The following PCDHA2 variants were observed in gnomAD, a reference collection of about 807,000 sequenced individuals.
The protein encoded by PCDHA2 is protocadherin alpha 2.
In PCDHA2, 58 loss-of-function variants were observed where a neutral mutation model predicts 66.0. The observed-to-expected ratio is 0.88, with a 90% CI of 0.71 to 1.09. The LOEUF is 1.09. Among genes scored for constraint, PCDHA2 ranks in the 50% least tolerant of loss-of-function variants. PCDHA2 has a pLI of 0.00. For synonymous variants in PCDHA2, 634 were observed against 554.0 expected (o/e 1.14, Z -2.03); for missense variants, 1,267 against 1,242.3 (o/e 1.02, Z -0.30).
chr5:140,853,285 A>G (rs2042696768), intron 1 of PCDHA2: 2 of 981,668 alleles, frequency 2.0e-6, no homozygotes, highest in Non-Finnish European at 2.5e-6. Flanking sequence ...TCATATGCAA[A>G]TTCTCAGAAG....
intron 1 of PCDHA2, chr5:140,968,944 G>C (rs782732835): frequency 1.2e-6 from 2 of 1,614,152 alleles, no homozygotes; most frequent in Non-Finnish European, 8.5e-7. Context: ...TCATCATTTT[G>C]AGCATCATCA....
At chr5:140,926,873 C>T in intron 1 of PCDHA2, 1 of 1,525,502 alleles carries the variant, frequency 6.6e-7, no homozygotes, top group Non-Finnish European at 8.8e-7. Context: ...GTTGGTGGAA[C>T]GTGGACGCCT....
At chr5:140,979,137 A>G (rs1554240284) in intron 2 of PCDHA2, 130 bp downstream of exon 2, 1 of 1,459,542 alleles carries the variant, frequency 6.9e-7, no homozygotes, top group Non-Finnish European at 9.0e-7. Context: ...GGAAAATGCA[A>G]TTATTTTGTC....
In PCDHA2 at chr5:140,882,301, G is replaced by A. The variant is rs145574763; in HGVS notation, c.2388+84949G>A. 188 of 1,613,800 alleles carry A rather than the reference G, an allele frequency of 1.2e-4. No homozygotes were observed. In the African/African-American group the frequency reaches 2.1e-3, roughly 18 times the overall value. Reference sequence around the variant, plus strand: ...CTTCCTGGCAAGGAGGCCCAAGACCGCGGCAACTACTGCTCTGGCTTCTGA... The same window carrying A: ...CTTCCTGGCAAGGAGGCCCAAGACCACGGCAACTACTGCTCTGGCTTCTGA... On this transcript the variant is annotated intron_variant, in intron 1 of 3. Coordinates refer to ENST00000526136, the MANE Select transcript of PCDHA2 (RefSeq NM_018905.3).
At chr5:140,808,754 C>T (rs1764256292) in intron 1 of PCDHA2, 4 of 1,612,248 alleles carry the variant, frequency 2.5e-6, no homozygotes, top group Non-Finnish European at 3.4e-6. Context: ...GCTGCAGCCG[C>T]TGGACCACGA....
chr5:140,924,704 G>A (rs6883852), intron 1 of PCDHA2, among the ~76,000 whole-genome samples: 1 of 152,052 alleles, frequency 6.6e-6, no homozygotes, highest in Non-Finnish European at 1.5e-5. Flanking sequence ...AGACCAGCTT[G>A]TGCAACATGG....
chr5:140,841,748 T>G (rs2150322169), intron 1 of PCDHA2: 12 of 1,613,846 alleles, frequency 7.4e-6, no homozygotes, highest in Non-Finnish European at 9.3e-6. Context: ...GCTGTTTGTT[T>G]CAGAATCCAG....
At chr5:140,977,836 T>C (rs1300356505) in intron 1 of PCDHA2, among the ~76,000 whole-genome samples, 1 of 152,236 alleles carries the variant, frequency 6.6e-6, no homozygotes, top group African/African-American at 2.4e-5. Flanking sequence ...TCTATTGATA[T>C]TACTATGGCT....
intron 1 of PCDHA2, chr5:140,807,219 C>G: frequency 6.2e-7 from 1 of 1,614,030 alleles, no homozygotes; most frequent in Non-Finnish European, 8.5e-7. Flanking sequence ...GGCCAGGAAT[C>G]CCGGCGTCTG....
At chr5:140,883,113 G>A in intron 1 of PCDHA2, 2 of 1,614,086 alleles carry the variant, frequency 1.2e-6, no homozygotes, top group Non-Finnish European at 1.7e-6. Context: ...TACTCATTTA[G>A]AAGGCCTGTA....
At chr5:140,975,917 A>C (rs1287006605) in intron 1 of PCDHA2, among the ~76,000 whole-genome samples, 1 of 152,220 alleles carries the variant, frequency 6.6e-6, no homozygotes, top group Non-Finnish European at 1.5e-5. Context: ...TATTCTACCA[A>C]AAGACTAACC....
chr5:140,872,768 A>C (rs527621278), intron 1 of PCDHA2, among the ~76,000 whole-genome samples: 1 of 152,292 alleles, frequency 6.6e-6, no homozygotes, highest in East Asian at 1.9e-4. Context: ...ATAGGGCTAT[A>C]TTATCTATAA....
chr5:140,900,178 T>C (rs972449455), intron 1 of PCDHA2, among the ~76,000 whole-genome samples: 2 of 152,238 alleles, frequency 1.3e-5, no homozygotes, highest in African/African-American at 2.4e-5. Context: ...GCCTGGTTTA[T>C]GTCACTTATA....
chr5:140,868,927 A>T, intron 1 of PCDHA2: 3 of 1,057,856 alleles, frequency 2.8e-6, no homozygotes, highest in Non-Finnish European at 4.0e-6. Flanking sequence ...AAGTTCATTT[A>T]AAGGTTGGTC....
At chr5:140,997,225 C>T (rs1554255781) in intron 3 of PCDHA2, among the ~76,000 whole-genome samples, 1 of 152,090 alleles carries the variant, frequency 6.6e-6, no homozygotes, top group African/African-American at 2.4e-5. Context: ...CTATCATTAC[C>T]ACCCAACTTC....
chr5:140,872,178 A>G (rs549229832), intron 1 of PCDHA2, among the ~76,000 whole-genome samples: 2 of 149,926 alleles, frequency 1.3e-5, no homozygotes, highest in Admixed American at 6.6e-5. Context: ...TTTTTTTTTT[A>G]CAGTGTTAAA....
rs1205449386 is a variant in PCDHA2 at position 140,856,525 on chromosome 5, G to A, written c.2388+59173G>A. The A allele has an allele frequency of 2.5e-6, 4 of 1,598,294 alleles. 1 individual carries two copies. The highest frequency in any genetic ancestry group is 8.6e-7 in the Non-Finnish European group (1 of 1,167,878). On this transcript the variant is annotated intron_variant, in intron 1 of 3. Transcript: ENST00000526136. ...TTCCACTAGAAGGCGCATCTGATGC[G>A]GATGTTGGAGAGAACGCATTGCTTA... is the stretch of plus-strand genomic sequence containing the variant.
At chr5:140,988,519 T>C (rs187868159) in intron 3 of PCDHA2, among the ~76,000 whole-genome samples, 69 of 152,324 alleles carry the variant, frequency 4.5e-4, no homozygotes, top group African/African-American at 1.5e-3. Context: ...TACTTAAGTC[T>C]CTGCTGGCTC....
In PCDHA2 at chr5:140,884,016, G is replaced by A. The variant is rs143828814; in HGVS notation, c.2388+86664G>A. 13 of 1,613,090 alleles carry A rather than the reference G, an allele frequency of 8.1e-6. No individual in the cohort carries two copies. In the Admixed American group the frequency reaches 1.2e-4, roughly 14 times the overall value. On this transcript the variant is annotated intron_variant, in intron 1 of 3. Coordinates refer to ENST00000526136, the MANE Select transcript of PCDHA2 (RefSeq NM_018905.3). ...GGCACAGTGAGCGAGCTGATGCCGC[G>A]GTCGGTGGGTGCAGGCCACGTGGTG...
Sources: gnomAD v4.1 joint callset for allele counts (sites outside exome capture counted in the v4.1 genomes callset) on GRCh38, gnomAD v4.1.1 for gene constraint, MANE v1.5 for transcripts, NCBI Gene and HGNC (gene_info 2026-07-23, HGNC 2026-07-21) for gene names.